The following HADHB variants were observed in gnomAD, a reference collection of about 807,000 sequenced individuals.
The protein encoded by HADHB is trifunctional enzyme subunit beta, mitochondrial.
HADHB carries 50 observed loss-of-function variants against 61.9 expected under a neutral mutation model. The observed-to-expected ratio is 0.81, with a 90% CI of 0.64 to 1.02. HADHB has a LOEUF of 1.02. Ranked by LOEUF, HADHB falls within the 50% of genes least tolerant of loss-of-function variation. HADHB has a pLI of 0.00. For missense variants in HADHB, 504 were observed against 586.5 expected, an observed-to-expected ratio of 0.86 and a Z score of 1.45; for synonymous variants, 191 against 201.6, an observed-to-expected ratio of 0.95 and a Z score of 0.45.
chr2:26,252,650 G>A (rs1054382437), intron 1 of HADHB, among the ~76,000 whole-genome samples: 17 of 152,182 alleles, frequency 1.1e-4, no homozygotes, highest in African/African-American at 2.7e-4. Flanking sequence ...AAATGGTTCC[G>A]AATTGGTGCA....
At position 26,281,999 on chromosome 2, in the gene HADHB, TGTATG is replaced by T. The variant is rs552643868; in HGVS notation, c.934-844_934-840del. ...TTCTCGGTTGTCATTTGGGAAGAAA[TGTATG>T]GGGTGTATCCAAAGAGGGAAGATTG... On this transcript the variant is annotated intron_variant, in intron 10 of 15. Transcript: ENST00000317799. Among the ~76,000 whole-genome samples, 26 of 152,018 alleles carry T rather than the reference TGTATG, an allele frequency of 1.7e-4. No homozygotes were observed. In the South Asian group the frequency reaches 5.2e-3, roughly 30 times the overall value.
rs144784076 is a variant in HADHB at position 26,286,471 on chromosome 2, A to C, written c.1389+900A>C. Among the ~76,000 whole-genome samples the C allele has an allele frequency of 9.4e-4, 143 of 152,174 alleles. 1 individual carries two copies. Among genetic ancestry groups the C allele is most frequent in the African/African-American group, 3.4e-3 (139 of 41,484 alleles). On this transcript the variant is annotated intron_variant, in intron 15 of 15. Coordinates refer to ENST00000317799, the MANE Select transcript of HADHB (RefSeq NM_000183.3). ...ACTGCTGTAGCATCTCACTCTAGGA[A>C]TAAAATCCAAAAGGAAGATTGTAGT...
chr2:26,285,382 A>T, intron 14 of HADHB, 25 bp from the exon 15 acceptor site: 2 of 1,605,008 alleles, frequency 1.2e-6, no homozygotes, highest in Non-Finnish European at 1.7e-6. Context: ...ACTTATCTTT[A>T]CATTTGTGTC....
intron 7 of HADHB, among the ~76,000 whole-genome samples, chr2:26,277,502 T>C (rs1452191228): frequency 6.6e-6 from 1 of 152,194 alleles, no homozygotes; most frequent in Non-Finnish European, 1.5e-5. Flanking sequence ...TCCAAAGTGC[T>C]GGGATTACAG....
At chr2:26,269,666 T>C (rs1672258422) in intron 4 of HADHB, among the ~76,000 whole-genome samples, 1 of 152,236 alleles carries the variant, frequency 6.6e-6, no homozygotes. Flanking sequence ...GGGCTTCACT[T>C]TAAAGAAAAT....
rs1673216499 is a variant in HADHB, at chr2:26,290,253, T to G, written c.*300T>G. ...TGAGGGTTTGCAGTTGGGAAAGAGG[T>G]CAACTGAGATTTGGAAATCATCTTT... is the stretch of plus-strand genomic sequence containing the variant. On this transcript the variant is annotated 3_prime_UTR_variant, in exon 16 of 16. Coordinates refer to ENST00000317799, the MANE Select transcript of HADHB (RefSeq NM_000183.3). The G allele has an allele frequency of 2.3e-6, 1 of 444,094 alleles. No homozygotes were observed. The highest frequency in any genetic ancestry group is 4.1e-6 in the Non-Finnish European group (1 of 243,596). The allele number at this position is 444,094 out of a possible 1,614,324, so 27.5% of individuals were successfully genotyped here.
chr2:26,263,586 A>G, intron 4 of HADHB, 107 bp downstream of exon 4: 1 of 763,564 alleles, frequency 1.3e-6, no homozygotes, highest in South Asian at 1.4e-5. Context: ...GTGGACTAAT[A>G]TTTGGATAGC....
At chr2:26,266,871 C>CGAAAAAAAAA (rs1672104507) in intron 4 of HADHB, among the ~76,000 whole-genome samples, 1 of 45,426 alleles carries the variant, frequency 2.2e-5, no homozygotes, top group Non-Finnish European at 3.8e-5. Flanking sequence ...CACTCTCTCT[C>CGAAAAAAAAA]AAAAAAAAAA....
At chr2:26,283,089 G>T in intron 12 of HADHB, 38 bp downstream of exon 12, 1 of 1,266,796 alleles carries the variant, frequency 7.9e-7, no homozygotes, top group Non-Finnish European at 1.2e-6. Flanking sequence ...ATAATCACAA[G>T]TATTTGATTG....
intron 3 of HADHB, among the ~76,000 whole-genome samples, chr2:26,258,417 A>G (rs1671719974): frequency 6.6e-6 from 1 of 152,218 alleles, no homozygotes; most frequent in African/African-American, 2.4e-5. Flanking sequence ...CCCAGCGACT[A>G]GCGTTGAGCT....
chr2:26,283,129 G>T, intron 12 of HADHB, 78 bp downstream of exon 12: 4 of 891,864 alleles, frequency 4.5e-6, no homozygotes, highest in Non-Finnish European at 7.7e-6. Flanking sequence ...GTTAATAAAT[G>T]ATTAACACTG....
At chr2:26,264,356 C>T (rs1199011694) in intron 4 of HADHB, among the ~76,000 whole-genome samples, 1 of 151,776 alleles carries the variant, frequency 6.6e-6, no homozygotes, top group Non-Finnish European at 1.5e-5. Flanking sequence ...CAAGACCAGC[C>T]TGGGTAACAT....
At chr2:26,267,629 G>A (rs913809885) in intron 4 of HADHB, among the ~76,000 whole-genome samples, 2 of 151,726 alleles carry the variant, frequency 1.3e-5, no homozygotes, top group African/African-American at 4.8e-5. Flanking sequence ...AAAATTAGCT[G>A]GATTTGGTGG....
At chr2:26,273,452 G>A (rs773594662) in intron 5 of HADHB, among the ~76,000 whole-genome samples, 199 bp from the exon 6 acceptor site, 3 of 152,092 alleles carry the variant, frequency 2.0e-5, no homozygotes, top group East Asian at 1.9e-4. Context: ...AGCATCAAAT[G>A]TTGACTTTTA....
intron 6 of HADHB, among the ~76,000 whole-genome samples, chr2:26,275,650 G>A (rs962676797): frequency 1.3e-5 from 2 of 152,080 alleles, no homozygotes; most frequent in Admixed American, 6.5e-5. Context: ...TCTTCCTTTC[G>A]GATTGGTTTA....
chr2:26,282,855 CA>C lies in HADHB; in HGVS notation c.945del (p.Ser316LeufsTer4). On this transcript the variant is annotated frameshift_variant, in exon 11 of 16. Coordinates refer to ENST00000317799, the MANE Select transcript of HADHB (RefSeq NM_000183.3). LOFTEE classifies it high-confidence loss of function. ...TGGTTAACATTTCAGACTGATGGTG[CA>C]TCTGCAATGTTAATCATGGCGGAGG... is the stretch of plus-strand genomic sequence containing the variant. ...AANSSFLTDGASAMLIMAEEK... is the reference protein window; with the variant it reads ...AANSSFLTDGXSAMLIMAEEK... 1 of 1,609,878 alleles carries C rather than the reference CA, an allele frequency of 6.2e-7. No homozygotes were observed. The highest frequency in any genetic ancestry group is 8.5e-7 in the Non-Finnish European group (1 of 1,176,656).
chr2:26,270,797 CA>C (rs1314407620), intron 5 of HADHB, among the ~76,000 whole-genome samples: 2 of 151,902 alleles, frequency 1.3e-5, no homozygotes, highest in African/African-American at 4.8e-5. Context: ...AAGCTATAAT[CA>C]CCTCTCTTCT....
At chr2:26,269,872 C>T in intron 4 of HADHB, 81 bp from the exon 5 acceptor site, 1 of 877,096 alleles carries the variant, frequency 1.1e-6, no homozygotes, top group Non-Finnish European at 2.0e-6. Context: ...GTTTGATGAT[C>T]TCTGGGTATT....
At chr2:26,262,397 C>G (rs917991166) in intron 3 of HADHB, among the ~76,000 whole-genome samples, 4 of 151,930 alleles carry the variant, frequency 2.6e-5, no homozygotes, top group African/African-American at 7.3e-5. Context: ...TGTAAGTGCA[C>G]TAAAAGAAAC....
Sources: allele counts gnomAD v4.1 joint callset (sites outside exome capture counted in the v4.1 genomes callset), GRCh38; gene constraint gnomAD v4.1.1; transcripts MANE v1.5; gene names NCBI Gene and HGNC (gene_info 2026-07-23, HGNC 2026-07-21).